Variants in PPP3R1 observed in about 807,000 individuals in gnomAD.
PPP3R1 encodes the protein protein phosphatase 3 regulatory subunit B, alpha, also known as calcineurin subunit B type 1.
In PPP3R1, 5 loss-of-function variants were observed where a neutral mutation model predicts 22.6. The ratio of observed to expected loss-of-function variants is 0.22; its 90% CI spans 0.12 to 0.46. PPP3R1 has a LOEUF of 0.46. Among genes scored for constraint, PPP3R1 ranks in the 20% least tolerant of loss-of-function variants. PPP3R1 has a pLI of 0.99. For missense variants in PPP3R1, 61 were observed against 203.2 expected, an observed-to-expected ratio of 0.30 and a Z score of 4.25; for synonymous variants, 56 against 65.2, an observed-to-expected ratio of 0.86 and a Z score of 0.68.
Position 68,187,250 on chromosome 2 carries a change from CT to C in PPP3R1, c.280+4del. On this transcript the variant is annotated splice_donor_region_variant and intron_variant, in intron 4 of 5. Transcript: ENST00000234310. ...AGAATGAAGTCAGTGAAGAAAAATACTTACACCTCAATTTCTGCTCCTTATC... is the reference window on the plus strand; with the variant it reads ...AGAATGAAGTCAGTGAAGAAAAATACTACACCTCAATTTCTGCTCCTTATC... The C allele has an allele frequency of 6.2e-7, 1 of 1,602,632 alleles. No individual in the cohort carries two copies.
At chr2:68,215,400 T>C (rs1669561299) in intron 2 of PPP3R1, among the ~76,000 whole-genome samples, 2 of 152,144 alleles carry the variant, frequency 1.3e-5, no homozygotes, top group African/African-American at 4.8e-5. Context: ...CTGTATTCCC[T>C]GTCCATAAGG....
chr2:68,234,045 G>C (rs1264509697), intron 1 of PPP3R1, among the ~76,000 whole-genome samples: 1 of 152,042 alleles, frequency 6.6e-6, no homozygotes, highest in South Asian at 2.1e-4. Flanking sequence ...GTAAACAGAG[G>C]TTATAAAGAA....
At chr2:68,250,267 T>A (rs933612417) in intron 1 of PPP3R1, among the ~76,000 whole-genome samples, 2 of 151,982 alleles carry the variant, frequency 1.3e-5, no homozygotes, top group African/African-American at 4.8e-5. Context: ...CGTAAAATAT[T>A]TTAAAAGACA....
At chr2:68,217,152 A>G (rs1327265861) in intron 1 of PPP3R1, 21 bp from the exon 2 acceptor site, 1 of 1,556,764 alleles carries the variant, frequency 6.4e-7, no homozygotes, top group Admixed American at 1.8e-5. Context: ...AGAAAGAAAT[A>G]ATTAGTCATA....
chr2:68,240,199 C>G (rs921591510), intron 1 of PPP3R1, among the ~76,000 whole-genome samples: 11 of 152,174 alleles, frequency 7.2e-5, no homozygotes, highest in African/African-American at 2.7e-4. Context: ...GAGCTTCAGT[C>G]AATCGCAGGC....
At chr2:68,216,475 A>AT (rs369406270) in intron 2 of PPP3R1, among the ~76,000 whole-genome samples, 10 of 144,680 alleles carry the variant, frequency 6.9e-5, no homozygotes, top group Admixed American at 2.7e-4. Context: ...AAAATTAAAA[A>AT]TTAAAAAAAA....
At chr2:68,216,596 A>T (rs1216144357) in intron 2 of PPP3R1, among the ~76,000 whole-genome samples, 1 of 152,162 alleles carries the variant, frequency 6.6e-6, no homozygotes, top group Non-Finnish European at 1.5e-5. Flanking sequence ...TGGCCCATAA[A>T]TATGAAATAT....
At chr2:68,225,349 A>G (rs868361585) in intron 1 of PPP3R1, among the ~76,000 whole-genome samples, 11 of 152,322 alleles carry the variant, frequency 7.2e-5, no homozygotes, top group Middle Eastern at 3.4e-3. Flanking sequence ...ACACAAGGGA[A>G]GTGGAGAGGC....
chr2:68,225,493 C>T (rs745306474), intron 1 of PPP3R1, among the ~76,000 whole-genome samples: 12 of 152,194 alleles, frequency 7.9e-5, no homozygotes, highest in Admixed American at 7.2e-4. Context: ...GCTTGGAAAG[C>T]AGACTTCCCC....
intron 1 of PPP3R1, among the ~76,000 whole-genome samples, chr2:68,245,351 G>A (rs1455345584): frequency 1.3e-5 from 2 of 152,080 alleles, no homozygotes; most frequent in African/African-American, 4.8e-5. Flanking sequence ...AAAATAGCAA[G>A]ATCCTGTCTC....
intron 2 of PPP3R1, among the ~76,000 whole-genome samples, chr2:68,203,012 C>G (rs1572959444): frequency 6.6e-6 from 1 of 151,916 alleles, no homozygotes; most frequent in Non-Finnish European, 1.5e-5. Flanking sequence ...AACACTAAAA[C>G]AAGGTAACCC....
At chr2:68,187,390 C>CCA in intron 3 of PPP3R1, 76 bp from the exon 4 acceptor site, 1 of 1,241,286 alleles carries the variant, frequency 8.1e-7, no homozygotes, top group Non-Finnish European at 1.1e-6. Context: ...CCTTACATAC[C>CCA]CACAAAAGGA....
intron 1 of PPP3R1, among the ~76,000 whole-genome samples, chr2:68,220,764 C>T (rs549637883): frequency 4.1e-4 from 63 of 152,028 alleles, no homozygotes; most frequent in Non-Finnish European, 8.1e-4. Context: ...AAACAAAAGG[C>T]CACATTTTAT....
chr2:68,252,372 G>C lies in PPP3R1; in HGVS notation c.-245C>G. The C allele has an allele frequency of 9.9e-7, 1 of 1,006,026 alleles. No individual in the cohort carries two copies. The highest frequency in any genetic ancestry group is 1.2e-6 in the Non-Finnish European group (1 of 844,638). 62.3% of individuals were successfully genotyped at this position (1,006,026 alleles called of 1,614,324 possible). ...GTCGAGATTCAGAGCCGGAGAGCGC[G>C]GGAGGAGCAGCGGCGAGAGGCAGGA... is the stretch of plus-strand genomic sequence containing the variant. On this transcript the variant is annotated 5_prime_UTR_variant, in exon 1 of 6. Coordinates refer to ENST00000234310, the MANE Select transcript of PPP3R1 (RefSeq NM_000945.4).
intron 1 of PPP3R1, among the ~76,000 whole-genome samples, chr2:68,230,554 T>C (rs768978356): frequency 6.6e-6 from 1 of 152,286 alleles, no homozygotes; most frequent in Non-Finnish European, 1.5e-5. Context: ...TCAAACATAA[T>C]TTAAAAACTC....
intron 1 of PPP3R1, among the ~76,000 whole-genome samples, chr2:68,243,107 A>T (rs1670164667): frequency 6.6e-6 from 1 of 152,172 alleles, no homozygotes; most frequent in Admixed American, 6.5e-5. Flanking sequence ...TACTACTTAC[A>T]AGAAATATTT....
At chr2:68,226,631 C>G (rs1313010257) in intron 1 of PPP3R1, among the ~76,000 whole-genome samples, 1 of 152,110 alleles carries the variant, frequency 6.6e-6, no homozygotes, top group East Asian at 1.9e-4. Context: ...TAATTCATCC[C>G]TTAGTCTCCT....
intron 1 of PPP3R1, among the ~76,000 whole-genome samples, chr2:68,245,771 G>A (rs1670223574): frequency 6.6e-6 from 1 of 152,096 alleles, no homozygotes; most frequent in Non-Finnish European, 1.5e-5. Flanking sequence ...ATTAATCAAT[G>A]GTTCCCCAAT....
At chr2:68,201,345 G>A (rs1047100681) in intron 2 of PPP3R1, among the ~76,000 whole-genome samples, 5 of 151,990 alleles carry the variant, frequency 3.3e-5, no homozygotes, top group Admixed American at 6.6e-5. Context: ...TTACTTACAC[G>A]TATGGCTCCT....
Sources: gnomAD v4.1 joint callset for allele counts (sites outside exome capture counted in the v4.1 genomes callset) on GRCh38, gnomAD v4.1.1 for gene constraint, MANE v1.5 for transcripts, NCBI Gene and HGNC (gene_info 2026-07-23, HGNC 2026-07-21) for gene names.